The following SYNPR variants were observed in gnomAD, a reference collection of about 807,000 sequenced individuals.
The protein encoded by SYNPR is synaptoporin.
Under a neutral mutation model 32.9 loss-of-function variants are expected in SYNPR, and 23 were observed. That is an observed-to-expected ratio of 0.70 (90% CI 0.50 to 0.99). SYNPR has a LOEUF of 0.99. Ranked by LOEUF, SYNPR falls within the 50% of genes least tolerant of loss-of-function variation. SYNPR has a pLI of 0.00. For synonymous variants in SYNPR, 146 were observed against 135.9 expected (o/e 1.07, Z -0.52); for missense variants, 318 against 349.3 (o/e 0.91, Z 0.71).
At chr3:63,513,401 C>G (rs1481888275) in intron 3 of SYNPR, among the ~76,000 whole-genome samples, 1 of 151,940 alleles carries the variant, frequency 6.6e-6, no homozygotes, top group African/African-American at 2.4e-5. Flanking sequence ...CTTGCTTAAT[C>G]CTCTTTAAAA....
chr3:63,206,046 C>T, the SYNPR span, among the ~76,000 whole-genome samples: 154 of 152,246 alleles, frequency 1.0e-3, 4 homozygotes, highest in Admixed American at 1.0e-3. Context: ...ATAGAAGACC[C>T]TCTGTCAAAT....
chr3:63,345,098 G>C (rs753515623), intron 2 of SYNPR, among the ~76,000 whole-genome samples: 1 of 152,164 alleles, frequency 6.6e-6, no homozygotes, highest in Non-Finnish European at 1.5e-5. Context: ...CACCCCATGC[G>C]ACTCTTGAGC....
intron 2 of SYNPR, among the ~76,000 whole-genome samples, chr3:63,393,395 A>T (rs1392813251): frequency 1.3e-5 from 2 of 151,010 alleles, no homozygotes; most frequent in African/African-American, 4.9e-5. Context: ...TATTCTTTTC[A>T]TTAGTGTTGG....
At chr3:63,206,324 C>A in the SYNPR span, among the ~76,000 whole-genome samples, 8 of 152,108 alleles carry the variant, frequency 5.3e-5, no homozygotes, top group South Asian at 1.7e-3. Context: ...AAAAATCACA[C>A]AATATAGGCT....
chr3:63,588,456 G>A (rs1326954826), intron 4 of SYNPR, among the ~76,000 whole-genome samples: 1 of 151,922 alleles, frequency 6.6e-6, no homozygotes, highest in Non-Finnish European at 1.5e-5. Context: ...AAGTAGATAC[G>A]GCTAGTTGTT....
chr3:63,424,367 T>C (rs1699855587), intron 2 of SYNPR, among the ~76,000 whole-genome samples: 1 of 152,186 alleles, frequency 6.6e-6, no homozygotes, highest in East Asian at 1.9e-4. Flanking sequence ...GGCCAGTCTA[T>C]ATTGAAATCC....
intron 4 of SYNPR, 129 bp downstream of exon 4, chr3:63,556,870 C>A: frequency 1.1e-6 from 1 of 930,730 alleles, no homozygotes; most frequent in Non-Finnish European, 1.5e-6. Flanking sequence ...TCTTTTTTAT[C>A]CAAATCTCTC....
At chr3:63,373,203 C>G (rs997754807) in intron 2 of SYNPR, among the ~76,000 whole-genome samples, 1 of 152,060 alleles carries the variant, frequency 6.6e-6, no homozygotes, top group African/African-American at 2.4e-5. Flanking sequence ...CACTAGTTCC[C>G]CAGCAAGGGT....
intron 2 of SYNPR, among the ~76,000 whole-genome samples, chr3:63,410,289 T>C (rs549012902): frequency 1.3e-5 from 2 of 152,310 alleles, no homozygotes; most frequent in South Asian, 4.1e-4. Context: ...AATTAAATGA[T>C]GGAGTTGAGT....
rs1702579017 is a variant in SYNPR at position 63,555,393 on chromosome 3, G to C, written c.210-1150G>C. Among the ~76,000 whole-genome samples the C allele has an allele frequency of 2.0e-5, 3 of 151,902 alleles. No homozygotes were observed. The South Asian group carries it at 6.3e-4, about 32-fold the overall frequency. ...ACTTTATGGTCATAAATAAGCCTCA[G>C]TCATATCTTTTTGCAAGTGCCTCCC... On this transcript the variant is annotated intron_variant, in intron 3 of 5. Transcript: ENST00000478300.
intron 3 of SYNPR, among the ~76,000 whole-genome samples, chr3:63,502,169 A>T (rs1701493710): frequency 6.6e-6 from 1 of 152,108 alleles, no homozygotes; most frequent in Non-Finnish European, 1.5e-5. Context: ...TTGCACATAT[A>T]GTTCCCATTA....
intron 2 of SYNPR, among the ~76,000 whole-genome samples, chr3:63,346,933 A>T (rs2087445004): frequency 1.3e-5 from 2 of 152,216 alleles, no homozygotes; most frequent in East Asian, 3.8e-4. Context: ...TGAGTATAAG[A>T]TTATTTCCTT....
At chr3:63,583,749 A>T (rs1703133614) in intron 4 of SYNPR, among the ~76,000 whole-genome samples, 3 of 152,176 alleles carry the variant, frequency 2.0e-5, no homozygotes, top group African/African-American at 4.8e-5. Flanking sequence ...ATTTTCCAAC[A>T]TATGAATAGG....
At chr3:63,607,265 A>G (rs181512711) in intron 4 of SYNPR, among the ~76,000 whole-genome samples, 1 of 152,322 alleles carries the variant, frequency 6.6e-6, no homozygotes, top group Non-Finnish European at 1.5e-5. Context: ...TACTCAGCAC[A>G]TTACTCAAAA....
At chr3:63,366,634 T>C (rs146100473) in intron 2 of SYNPR, among the ~76,000 whole-genome samples, 194 of 152,288 alleles carry the variant, frequency 1.3e-3, no homozygotes, top group African/African-American at 4.1e-3. Context: ...GCTTAGAAAG[T>C]AGGAGATGGC....
At chr3:63,496,158 ATGAAT>A (rs1701369897) in intron 3 of SYNPR, among the ~76,000 whole-genome samples, 1 of 152,112 alleles carries the variant, frequency 6.6e-6, no homozygotes, top group Non-Finnish European at 1.5e-5. Flanking sequence ...TTATATAGAA[ATGAAT>A]TAGAATATTA....
chr3:63,500,758 G>A (rs575616484), intron 3 of SYNPR, among the ~76,000 whole-genome samples: 1 of 152,104 alleles, frequency 6.6e-6, no homozygotes, highest in Admixed American at 6.5e-5. Flanking sequence ...TGCTTTTGTG[G>A]TATTTCCAAT....
intron 3 of SYNPR, among the ~76,000 whole-genome samples, chr3:63,511,234 T>C (rs142706349): frequency 7.6e-4 from 115 of 152,212 alleles, no homozygotes; most frequent in African/African-American, 2.6e-3. Flanking sequence ...GGTTCTCATC[T>C]AAGAAAGTGA....
At chr3:63,430,956 G>T (rs1341382632) in intron 2 of SYNPR, among the ~76,000 whole-genome samples, 1 of 152,204 alleles carries the variant, frequency 6.6e-6, no homozygotes, top group Non-Finnish European at 1.5e-5. Context: ...TGAAGGATGA[G>T]TAGGAGTTCA....
Sources: gnomAD v4.1 joint callset for allele counts (sites outside exome capture counted in the v4.1 genomes callset) on GRCh38, gnomAD v4.1.1 for gene constraint, MANE v1.5 for transcripts, NCBI Gene and HGNC (gene_info 2026-07-23, HGNC 2026-07-21) for gene names.